Variants in FASTKD1 observed in about 807,000 individuals in gnomAD.
FASTKD1 encodes the protein FAST kinase domains 1, also known as FAST kinase domain-containing protein 1, mitochondrial.
FASTKD1 carries 94 observed loss-of-function variants against 90.9 expected under a neutral mutation model. The ratio of observed to expected loss-of-function variants is 1.03; its 90% confidence interval spans 0.88 to 1.23. The LOEUF (loss-of-function observed/expected upper bound fraction) is 1.23, where lower values mean the gene tolerates loss of function less well. Ranked by LOEUF, FASTKD1 falls within the 50% of genes most tolerant of loss-of-function variation. The pLI, the probability that FASTKD1 is intolerant of heterozygous loss-of-function variation, is 0.00. For missense variants in FASTKD1, 945 were observed against 993.5 expected, an observed-to-expected ratio of 0.95 and a Z score of 0.66; for synonymous variants, 319 against 345.8, an observed-to-expected ratio of 0.92 and a Z score of 0.86.
chr2:169,531,316 G>A (rs746353778), intron 13 of FASTKD1, 36 bp downstream of exon 13: 2 of 1,598,400 alleles, frequency 1.3e-6, no homozygotes, highest in East Asian at 2.2e-5. Flanking sequence ...TTAACATTTA[G>A]ATATTAATAC....
At position 169,571,682 on chromosome 2, in the gene FASTKD1, G is replaced by A; in HGVS notation, c.348C>T (p.Thr116=). ...TNKFKLMNDD[T]LVNVLYVTQQ... ...GTGTGACGTATAACACATTCACCAG[G>A]GTATCGTCATTCATTAATTTGAATT... Residue 116 remains threonine (T), a synonymous_variant, in exon 2 of 15, where the codon ACC becomes ACT. Coordinates refer to ENST00000453153, the MANE Select transcript of FASTKD1 (RefSeq NM_024622.6). 6.2e-7 allele frequency: 1 copy of A among 1,607,780 alleles called. No individual in the cohort carries two copies. The highest frequency in any genetic ancestry group is 8.5e-7 in the Non-Finnish European group (1 of 1,174,906).
At chr2:169,558,948 C>G (rs548142327) in intron 5 of FASTKD1, among the ~76,000 whole-genome samples, 1 of 150,156 alleles carries the variant, frequency 6.7e-6, no homozygotes, top group African/African-American at 2.4e-5. Flanking sequence ...AAGATGTGCT[C>G]TTAAATTTTT....
chr2:169,546,205 A>G lies in FASTKD1; in HGVS notation c.1701+13T>C, dbSNP rs765035927. ...CAACTCTATAAAATTAATGTCTACC[A>G]TTTAAATTTCACCTTTTCAATCTGC... is the stretch of plus-strand genomic sequence containing the variant. On this transcript the variant is annotated intron_variant, in intron 8 of 14. Coordinates refer to ENST00000453153, the MANE Select transcript of FASTKD1 (RefSeq NM_024622.6). 5.2e-6 allele frequency: 8 copies of G among 1,527,038 alleles called. No individual in the cohort carries two copies. Among genetic ancestry groups the G allele is most frequent in the Non-Finnish European group, 5.3e-6 (6 of 1,139,654 alleles). The allele number at this position is 1,527,038 out of a possible 1,614,324, so 94.6% of individuals were successfully genotyped here.
chr2:169,550,962 T>C (rs1165331456), intron 7 of FASTKD1, among the ~76,000 whole-genome samples: 4 of 152,208 alleles, frequency 2.6e-5, no homozygotes, highest in South Asian at 2.1e-4. Context: ...CCCCAACAGA[T>C]ACAATTTCTC....
At chr2:169,530,392 A>G (rs1472082705) in intron 14 of FASTKD1, among the ~76,000 whole-genome samples, 195 bp downstream of exon 14, 1 of 152,134 alleles carries the variant, frequency 6.6e-6, no homozygotes, top group Non-Finnish European at 1.5e-5. Flanking sequence ...TCAATCTCCT[A>G]GGATCAAGCA....
intron 12 of FASTKD1, among the ~76,000 whole-genome samples, chr2:169,533,464 A>T (rs1684577953): frequency 6.6e-6 from 1 of 152,212 alleles, no homozygotes; most frequent in African/African-American, 2.4e-5. Flanking sequence ...CCAGGTATAT[A>T]ACCTTGGGCA....
rs111432638 is a variant in FASTKD1, at chr2:169,529,030, C to G, written c.*795G>C. ...TAAGCGATTTCATCTACTCTCATGG[C>G]ATTGAATACTGCTGACATTTATACA... On this transcript the variant is annotated 3_prime_UTR_variant, in exon 15 of 15. Coordinates refer to ENST00000453153, the MANE Select transcript of FASTKD1 (RefSeq NM_024622.6). Among the ~76,000 whole-genome samples the G allele has an allele frequency of 0.022, 3,361 of 152,248 alleles. 52 individuals are homozygous for G. Among genetic ancestry groups the G allele is most frequent in the Middle Eastern group, 0.061 (18 of 294 alleles).
chr2:169,561,886 A>G (rs866935410), intron 4 of FASTKD1, among the ~76,000 whole-genome samples: 1 of 140,024 alleles, frequency 7.1e-6, no homozygotes, highest in Non-Finnish European at 1.5e-5. Flanking sequence ...AATTTATTGT[A>G]AATTATTTAT....
intron 3 of FASTKD1, among the ~76,000 whole-genome samples, chr2:169,564,975 C>T (rs1178284078): frequency 7.9e-6 from 1 of 126,024 alleles, no homozygotes; most frequent in Non-Finnish European, 1.6e-5. Flanking sequence ...TTTTTTGAGA[C>T]GCAGTTTCGC....
In FASTKD1 at chr2:169,529,885, C is replaced by T. The variant is rs145745935; in HGVS notation, c.2484G>A (p.Lys828=). The change falls in exon 15 of 15, where the codon AAG becomes AAA. Residue 828 remains lysine, a synonymous_variant. Coordinates refer to ENST00000453153, the MANE Select transcript of FASTKD1 (RefSeq NM_024622.6). ...CTCTCAGGTAGTCCATCCGAGCATC[C>T]TTTGTTGACAGTGCCATAGAGTTCC... ...FEWNSMALST[K]DARMDYLREC... 16 of 1,613,578 alleles carry T rather than the reference C, an allele frequency of 9.9e-6. No homozygotes were observed. The African/African-American group carries it at 1.2e-4, about 12-fold the overall frequency.
At chr2:169,540,323 T>G in intron 9 of FASTKD1, 144 bp from the exon 10 acceptor site, 1 of 816,532 alleles carries the variant, frequency 1.2e-6, no homozygotes, top group South Asian at 2.6e-5. Context: ...GACAGGATAA[T>G]GGTTAAGTGG....
Position 169,546,378 on chromosome 2 carries a change from T to C in FASTKD1, c.1541A>G (p.Glu514Gly). 1.2e-6 allele frequency: 2 copies of C among 1,614,046 alleles called. No homozygotes were observed. The highest frequency in any genetic ancestry group is 1.7e-6 in the Non-Finnish European group (2 of 1,179,906). Residue 514 changes from glutamate (E) to glycine (G), a missense_variant, in exon 8 of 15, where the codon GAG (glutamate) becomes GGG (glycine). Coordinates refer to ENST00000453153, the MANE Select transcript of FASTKD1 (RefSeq NM_024622.6). Reference protein sequence around the residue: ...LKSLKGNTFPESLLEEMIATL... With the variant: ...LKSLKGNTFPGSLLEEMIATL... ...AGCAATCATTTCTTCAAGAAGTGACTCAGGAAACGTGTTTCCTTTGAGAGA... is the reference window on the plus strand; with the variant it reads ...AGCAATCATTTCTTCAAGAAGTGACCCAGGAAACGTGTTTCCTTTGAGAGA...
chr2:169,566,380 C>T lies in FASTKD1; in HGVS notation c.446+2804G>A, dbSNP rs559537521. On this transcript the variant is annotated intron_variant, in intron 3 of 14. Transcript: ENST00000453153. ...AATTGTTGAAGCTGGAGGATGGGTA[C>T]ATGGGAATTCGTTGTACTACTCTTT... Among the ~76,000 whole-genome samples, 7 of 152,184 alleles carry T rather than the reference C, an allele frequency of 4.6e-5. No individual in the cohort carries two copies. In the South Asian group the frequency reaches 1.5e-3, roughly 32 times the overall value.
intron 9 of FASTKD1, 99 bp from the exon 10 acceptor site, chr2:169,540,278 C>CT: frequency 8.2e-7 from 1 of 1,212,252 alleles, no homozygotes; most frequent in South Asian, 1.8e-5. Context: ...AAAAAAGATA[C>CT]ACAGCCTTGA....
At chr2:169,541,316 C>G (rs1684946400) in intron 9 of FASTKD1, among the ~76,000 whole-genome samples, 1 of 152,128 alleles carries the variant, frequency 6.6e-6, no homozygotes, top group Non-Finnish European at 1.5e-5. Context: ...ACAAAATTTT[C>G]TAATTTCTAA....
At position 169,563,329 on chromosome 2, in the gene FASTKD1, T is replaced by C. The variant is rs1279018055; in HGVS notation, c.468A>G (p.Ser156=). ...GATCTGCTAGGCAAGAGGAAAATTCTGAGAGCAGTTTAATATCAAACCTAT... is the reference window on the plus strand; with the variant it reads ...GATCTGCTAGGCAAGAGGAAAATTCCGAGAGCAGTTTAATATCAAACCTAT... ...RLERFDIKLL[S]EFSSCLADQH... Residue 156 remains serine, a synonymous_variant, in exon 4 of 15, where the codon TCA becomes TCG. Transcript: ENST00000453153. 6.2e-7 allele frequency: 1 copy of C among 1,605,268 alleles called. No homozygotes were observed.
chr2:169,557,836 A>G (rs1479157059), intron 5 of FASTKD1, among the ~76,000 whole-genome samples: 1 of 152,216 alleles, frequency 6.6e-6, no homozygotes. Context: ...AAAGTAGTGC[A>G]GTAATGTTAA....
rs202204392 is a variant in FASTKD1, at chr2:169,557,216, C to T, written c.1053G>A (p.Met351Ile). 1.7e-4 allele frequency: 278 copies of T among 1,611,744 alleles called. 1 individual carries two copies. The East Asian group carries it at 6.1e-3, about 36-fold the overall frequency. ...ALAVLGAMGD[M>I]ESRNSCLIKR... ...TAATCAGACATGAGTTTCTGCTTTC[C>T]ATATCTCCCATTGCTCCCAACACTG... is the stretch of plus-strand genomic sequence containing the variant. Residue 351 changes from methionine (M) to isoleucine (I), a missense_variant, in exon 6 of 15, where the codon ATG becomes ATA. Met to Ile is a conservative substitution (Grantham distance 10, BLOSUM62 1). Coordinates refer to ENST00000453153, the MANE Select transcript of FASTKD1 (RefSeq NM_024622.6).
chr2:169,562,642 GC>G (rs1683757273), intron 4 of FASTKD1, among the ~76,000 whole-genome samples: 1 of 151,410 alleles, frequency 6.6e-6, no homozygotes, highest in African/African-American at 2.4e-5. Context: ...TTATTCAGAG[GC>G]CATTTTCAGT....
Sources: gnomAD v4.1 joint callset for allele counts (sites outside exome capture counted in the v4.1 genomes callset) on GRCh38, gnomAD v4.1.1 for gene constraint, MANE v1.5 for transcripts, NCBI Gene and HGNC (gene_info 2026-07-23, HGNC 2026-07-21) for gene names.